H6PD: variants seen among roughly 807,000 people sequenced by gnomAD.
H6PD encodes the protein GDH/6PGL endoplasmic bifunctional protein.
Under a neutral mutation model 61.2 loss-of-function variants are expected in H6PD, and 48 were observed. That is an observed-to-expected ratio of 0.78 (90% CI 0.62 to 1.00). H6PD has a LOEUF of 1.00. H6PD is among the 50% of genes least tolerant of loss of function. The pLI is 0.00. For synonymous variants in H6PD, 480 were observed against 457.9 expected (o/e 1.05, Z -0.62); for missense variants, 1,093 against 1,065.0 (o/e 1.03, Z -0.37).
At chr1:9,242,842 C>G in intron 1 of H6PD, 2 of 985,506 alleles carry the variant, frequency 2.0e-6, no homozygotes, top group Non-Finnish European at 2.4e-6. Flanking sequence ...CTTGCTGCCT[C>G]TCTCCTGCAC....
At chr1:9,260,464 T>C (rs1641688268) in intron 3 of H6PD, among the ~76,000 whole-genome samples, 1 of 152,162 alleles carries the variant, frequency 6.6e-6, no homozygotes, top group African/African-American at 2.4e-5. Flanking sequence ...GTTATGTTGT[T>C]ACACCAGTGT....
chr1:9,247,667 G>C (rs978476004), intron 3 of H6PD, among the ~76,000 whole-genome samples: 1 of 152,120 alleles, frequency 6.6e-6, no homozygotes, highest in African/African-American at 2.4e-5. Context: ...GCTCCAGGAG[G>C]ACACCGCCTC....
chr1:9,261,996 G>T (rs1357344083), intron 3 of H6PD, 63 bp from the exon 4 acceptor site: 1 of 1,549,446 alleles, frequency 6.5e-7, no homozygotes, highest in Non-Finnish European at 8.9e-7. Context: ...GGTGCACCTC[G>T]GGGAGATCTG....
At chr1:9,244,644 G>T (rs1016064554) in intron 1 of H6PD, among the ~76,000 whole-genome samples, 3 of 152,188 alleles carry the variant, frequency 2.0e-5, no homozygotes, top group Non-Finnish European at 2.9e-5. Context: ...GGCCTTTGCC[G>T]CTTTCCTATG....
At chr1:9,262,439 C>G (rs1638353259) in intron 4 of H6PD, 111 bp downstream of exon 4, 17 of 1,049,804 alleles carry the variant, frequency 1.6e-5, no homozygotes, top group Non-Finnish European at 2.4e-5. Context: ...TGGGATTTCC[C>G]CCAGGGTGCT....
chr1:9,251,239 T>C (rs946569110), intron 3 of H6PD, among the ~76,000 whole-genome samples: 1 of 152,124 alleles, frequency 6.6e-6, no homozygotes, highest in Admixed American at 6.5e-5. Flanking sequence ...TGTTCAGCTG[T>C]CTGGGTCCGG....
In H6PD at chr1:9,245,698, T is replaced by C; in HGVS notation, c.627+137T>C. Reference sequence around the variant, plus strand: ...AGAGCTCCCATGGTCTCCTTGAAGGTGGGCAGGAGGCGAGCGGGTAAAGGA... The same window carrying C: ...AGAGCTCCCATGGTCTCCTTGAAGGCGGGCAGGAGGCGAGCGGGTAAAGGA... On this transcript the variant is annotated intron_variant, in intron 2 of 4. Coordinates refer to ENST00000377403, the MANE Select transcript of H6PD (RefSeq NM_004285.4). The surrounding 1 kb of genome is among the most constrained non-coding windows in gnomAD (Gnocchi z 4.8). 1.1e-6 allele frequency: 1 copy of C among 889,140 alleles called. No homozygotes were observed. The highest frequency in any genetic ancestry group is 1.8e-6 in the Non-Finnish European group (1 of 548,706). The allele number at this position is 889,140 out of a possible 1,614,324, so 55.1% of individuals were successfully genotyped here. A position where few individuals can be genotyped will look rare whatever the true frequency, so the allele number is the denominator to read the frequency against.
chr1:9,254,614 C>T lies in H6PD; in HGVS notation c.746-7445C>T, dbSNP rs1261604713. On this transcript the variant is annotated intron_variant, in intron 3 of 4. Transcript: ENST00000377403. This position sits in a 1 kb window ranked among gnomAD's most constrained non-coding sequence, Gnocchi z 4.6. The stretch of plus-strand genomic sequence containing the variant: ...CTACCACCAGTCCCATCCTGTTCAT[C>T]TTGGAGGTCGCAGACAGCTTCATCT... Among the ~76,000 whole-genome samples the T allele has an allele frequency of 3.9e-5, 6 of 152,206 alleles. No homozygotes were observed.
rs201667735 is a variant in H6PD, at chr1:9,245,520, G to A, written c.586G>A (p.Glu196Lys). ...CACAGAACTCGGGACCTTTTTCCAG[G>A]AGGAGGAGATGTACCGGGTGGACCA... is the stretch of plus-strand genomic sequence containing the variant. ...LATELGTFFQEEEMYRVDHYL... is the reference protein window; with the variant it reads ...LATELGTFFQKEEMYRVDHYL... The change falls in exon 2 of 5, where the codon GAG becomes AAG. Residue 196 changes from glutamate (E) to lysine (K), a missense_variant. Glu to Lys is a moderately conservative substitution (Grantham distance 56). Transcript: ENST00000377403. This position sits in a 1 kb window ranked among gnomAD's most constrained non-coding sequence, Gnocchi z 4.8. 6.2e-7 allele frequency: 1 copy of A among 1,614,110 alleles called. No individual in the cohort carries two copies. The highest frequency in any genetic ancestry group is 1.3e-5 in the African/African-American group (1 of 75,052).
In H6PD at chr1:9,267,869, G is replaced by A. The variant is rs912859864; in HGVS notation, c.*3000G>A. ...TTTGTTTACAACTGTGTTCCAAGCA[G>A]GTTTCATAAAGAAATTCTTAACCTT... On this transcript the variant is annotated 3_prime_UTR_variant, in exon 5 of 5. Transcript: ENST00000377403. The A allele has an allele frequency of 2.0e-5, 3 of 152,126 alleles. No individual in the cohort carries two copies. Among genetic ancestry groups the A allele is most frequent in the African/African-American group, 7.2e-5 (3 of 41,406 alleles). The allele number at this position is 152,126 out of a possible 1,614,324, so 9.4% of individuals were successfully genotyped here.
intron 2 of H6PD, among the ~76,000 whole-genome samples, chr1:9,246,734 A>G (rs937276514): frequency 1.3e-5 from 2 of 152,204 alleles, no homozygotes; most frequent in African/African-American, 4.8e-5. Context: ...GAAGATAGGT[A>G]ATTCTAACTT....
intron 1 of H6PD, among the ~76,000 whole-genome samples, chr1:9,239,090 A>C (rs1213224522): frequency 6.6e-6 from 1 of 151,772 alleles, no homozygotes; most frequent in Admixed American, 6.6e-5. Flanking sequence ...TCTGTCACCC[A>C]GGCTGGAGTG....
At chr1:9,240,063 A>G in intron 1 of H6PD, 1 of 1,170,698 alleles carries the variant, frequency 8.5e-7, no homozygotes. Context: ...TCAGGATTAG[A>G]GTTGGAGACA....
rs1203676996 is a variant in H6PD at position 9,266,402 on chromosome 1, T to A, written c.*1533T>A. ...TGGGGACTGTGATCTTGAGAAGCCA[T>A]GGGCCAGCAATACCTGCTTTTCTGA... On this transcript the variant is annotated 3_prime_UTR_variant, in exon 5 of 5. Transcript: ENST00000377403. 6.6e-6 allele frequency: 1 copy of A among 152,256 alleles called. No homozygotes were observed. Among genetic ancestry groups the A allele is most frequent in the Non-Finnish European group, 1.5e-5 (1 of 68,056 alleles). 9.4% of individuals were successfully genotyped at this position (152,256 alleles called of 1,614,324 possible). A position where few individuals can be genotyped will look rare whatever the true frequency, so the allele number is the denominator to read the frequency against.
In H6PD at chr1:9,263,884, A is replaced by G. The variant is rs1397349557; in HGVS notation, c.1391A>G (p.His464Arg). 7.4e-6 allele frequency: 12 copies of G among 1,614,000 alleles called. No homozygotes were observed. The highest frequency in any genetic ancestry group is 1.0e-5 in the Non-Finnish European group (12 of 1,180,020). Residue 464 changes from histidine (H) to arginine (R), a missense_variant, in exon 5 of 5, where the codon CAT becomes CGT. Physicochemically the swap from His to Arg is conservative, Grantham distance 29. Transcript: ENST00000377403. ...GACGCCCACTCCGTCCTCTTATCCC[A>G]TATCTTCCATGGCCGGAAGAATTTC... is the stretch of plus-strand genomic sequence containing the variant. ...ERDAHSVLLS[H>R]IFHGRKNFFI...
intron 3 of H6PD, among the ~76,000 whole-genome samples, chr1:9,253,075 G>A (rs1641416286): frequency 6.6e-6 from 1 of 152,196 alleles, no homozygotes; most frequent in Non-Finnish European, 1.5e-5. Flanking sequence ...AGGAGGGCCA[G>A]CCCCTCGCCT....
At chr1:9,239,750 G>A in intron 1 of H6PD, 2 of 378,740 alleles carry the variant, frequency 5.3e-6, no homozygotes, top group East Asian at 7.6e-5. Flanking sequence ...AAGGGAACAG[G>A]GCAGCAGCAG....
rs1302871123 is a variant in H6PD at position 9,265,540 on chromosome 1, C to A, written c.*671C>A. ...GGCTGTGCAGTAGGAATTCCAGGCTCCTCCCTGTGTCTTTGCTGTTCTTCA... is the reference window on the plus strand; with the variant it reads ...GGCTGTGCAGTAGGAATTCCAGGCTACTCCCTGTGTCTTTGCTGTTCTTCA... On this transcript the variant is annotated 3_prime_UTR_variant, in exon 5 of 5. Transcript: ENST00000377403. 1 of 161,014 alleles carries A rather than the reference C, an allele frequency of 6.2e-6. No individual in the cohort carries two copies. The highest frequency in any genetic ancestry group is 1.4e-5 in the Non-Finnish European group (1 of 72,656). 10.0% of individuals were successfully genotyped at this position (161,014 alleles called of 1,614,324 possible).
chr1:9,239,448 C>A (rs560281025), intron 1 of H6PD, among the ~76,000 whole-genome samples: 16 of 152,182 alleles, frequency 1.1e-4, no homozygotes, highest in Admixed American at 2.6e-4. Context: ...GATCAGAGGT[C>A]ATTGATAGCA....
Sources: gnomAD v4.1 joint callset for allele counts (sites outside exome capture counted in the v4.1 genomes callset) on GRCh38, gnomAD v4.1.1 for gene constraint, Gnocchi (gnomAD v3.1) non-coding constraint, MANE v1.5 for transcripts, NCBI Gene and HGNC (gene_info 2026-07-23, HGNC 2026-07-21) for gene names.